PALS2: variants seen among roughly 807,000 people sequenced by gnomAD.
The protein encoded by PALS2 is protein PALS2.
In PALS2, 27 loss-of-function variants were observed where a neutral mutation model predicts 61.6. That is an observed-to-expected ratio of 0.44 (90% confidence interval 0.32 to 0.60). The LOEUF (loss-of-function observed/expected upper bound fraction) is 0.60, where lower values mean the gene tolerates loss of function less well. Ranked by LOEUF, PALS2 falls within the 20% of genes least tolerant of loss-of-function variation. The pLI, the probability that PALS2 is intolerant of heterozygous loss-of-function variation, is 0.05. For synonymous variants in PALS2, 236 were observed against 218.6 expected (o/e 1.08, Z -0.70); for missense variants, 554 against 639.4 (o/e 0.87, Z 1.44).
chr7:24,672,315 C>T (rs778412168), intron 9 of PALS2, among the ~76,000 whole-genome samples: 7 of 151,802 alleles, frequency 4.6e-5, no homozygotes, highest in Non-Finnish European at 1.5e-5. Context: ...GCAGCCTCCA[C>T]CTCCTGGATT....
intron 1 of PALS2, among the ~76,000 whole-genome samples, chr7:24,619,790 G>A (rs1439600886): frequency 6.6e-6 from 1 of 151,154 alleles, no homozygotes; most frequent in East Asian, 1.9e-4. Context: ...TGATTAAAAT[G>A]TTTATCTCCT....
intron 1 of PALS2, among the ~76,000 whole-genome samples, chr7:24,598,344 C>T (rs1783595968): frequency 6.6e-6 from 1 of 152,080 alleles, no homozygotes; most frequent in Non-Finnish European, 1.5e-5. Context: ...CCAGTATTTT[C>T]AAAACGTACC....
At position 24,692,921 on chromosome 7, in the gene PALS2, G is replaced by A. The variant is rs996456222; in HGVS notation, c.*5307G>A. The A allele has an allele frequency of 6.6e-6, 1 of 152,088 alleles. No homozygotes were observed. Among genetic ancestry groups the A allele is most frequent in the African/African-American group, 2.4e-5 (1 of 41,416 alleles). 9.4% of individuals were successfully genotyped at this position (152,088 alleles called of 1,614,324 possible). On this transcript the variant is annotated 3_prime_UTR_variant, in exon 12 of 12. Transcript: ENST00000222644. ...TATAGAAAGAAACATTCACAGTGAG[G>A]TCTTAGTTTGTGAACCTCAAAATCC...
intron 2 of PALS2, among the ~76,000 whole-genome samples, chr7:24,635,907 A>C (rs1177556433): frequency 6.6e-6 from 1 of 152,104 alleles, no homozygotes. Context: ...TTTTTAGGAT[A>C]GATCTGAAAA....
chr7:24,598,130 G>C (rs1186936016), intron 1 of PALS2, among the ~76,000 whole-genome samples: 1 of 152,132 alleles, frequency 6.6e-6, no homozygotes, highest in Admixed American at 6.6e-5. Flanking sequence ...TCTTTTCACT[G>C]AGTCCAAATG....
At chr7:24,600,894 C>A (rs1455035600) in intron 1 of PALS2, among the ~76,000 whole-genome samples, 4 of 152,082 alleles carry the variant, frequency 2.6e-5, no homozygotes, top group African/African-American at 9.7e-5. Flanking sequence ...TTTCAGCATG[C>A]AAACTAGTAA....
Position 24,599,526 on chromosome 7 carries a change from A to G in PALS2, c.-2-24140A>G, listed in dbSNP as rs951707929. Among the ~76,000 whole-genome samples, 4 of 30,814 alleles carry G rather than the reference A, an allele frequency of 1.3e-4. No homozygotes were observed. In the East Asian group the frequency reaches 3.6e-3, roughly 28 times the overall value. 20.2% of individuals were successfully genotyped at this position (30,814 alleles called of 152,430 possible). ...TAAGCTTTTTTTTTTTTTTTTTTTTATGGAGTCTTGCCCTGTCACCCAGGC... is the reference window on the plus strand; with the variant it reads ...TAAGCTTTTTTTTTTTTTTTTTTTTGTGGAGTCTTGCCCTGTCACCCAGGC... On this transcript the variant is annotated intron_variant, in intron 1 of 11. Coordinates refer to ENST00000222644, the MANE Select transcript of PALS2 (RefSeq NM_001303037.2).
intron 9 of PALS2, among the ~76,000 whole-genome samples, chr7:24,678,397 T>C (rs1287091757): frequency 6.6e-6 from 1 of 152,160 alleles, no homozygotes; most frequent in Non-Finnish European, 1.5e-5. Context: ...ATAATAATAA[T>C]GAGGCGTCTA....
At chr7:24,678,007 A>C (rs1488979836) in intron 9 of PALS2, among the ~76,000 whole-genome samples, 1 of 152,176 alleles carries the variant, frequency 6.6e-6, no homozygotes, top group African/African-American at 2.4e-5. Flanking sequence ...TTACTTTCTT[A>C]GTTTAGTTTG....
chr7:24,633,738 T>C (rs1197341363), intron 2 of PALS2, among the ~76,000 whole-genome samples: 1 of 152,140 alleles, frequency 6.6e-6, no homozygotes, highest in Non-Finnish European at 1.5e-5. Flanking sequence ...TATGTAGACG[T>C]AGTTTTTTAT....
chr7:24,576,349 G>C (rs527282622), intron 1 of PALS2, among the ~76,000 whole-genome samples: 10 of 152,082 alleles, frequency 6.6e-5, no homozygotes, highest in Admixed American at 2.0e-4. Context: ...CTGACCACTG[G>C]GGGGAGACTT....
At chr7:24,685,762 A>G (rs1788167137) in intron 11 of PALS2, among the ~76,000 whole-genome samples, 1 of 151,788 alleles carries the variant, frequency 6.6e-6, no homozygotes, top group Non-Finnish European at 1.5e-5. Context: ...GCTGTTTCAA[A>G]CTCATTTAGA....
intron 2 of PALS2, among the ~76,000 whole-genome samples, chr7:24,638,296 T>C (rs1785338072): frequency 6.7e-6 from 1 of 149,570 alleles, no homozygotes; most frequent in South Asian, 2.1e-4. Flanking sequence ...AAAAACCTTT[T>C]TTTCTCCCTT....
chr7:24,613,445 G>C (rs1784183285), intron 1 of PALS2, among the ~76,000 whole-genome samples: 1 of 151,478 alleles, frequency 6.6e-6, no homozygotes, highest in African/African-American at 2.4e-5. Context: ...TGTTATTTGT[G>C]TCTTGCCTTT....
chr7:24,641,912 A>G, intron 3 of PALS2, 44 bp downstream of exon 3: 3 of 1,572,914 alleles, frequency 1.9e-6, no homozygotes, highest in Non-Finnish European at 2.6e-6. Context: ...CTGTATTCCC[A>G]AAGTATTCTC....
At chr7:24,679,454 C>A in intron 10 of PALS2, 121 bp downstream of exon 10, 1 of 890,886 alleles carries the variant, frequency 1.1e-6, no homozygotes, top group East Asian at 2.5e-5. Flanking sequence ...TGACTCCCTC[C>A]ATTACCTTTG....
chr7:24,586,467 G>A (rs1488105496), intron 1 of PALS2, among the ~76,000 whole-genome samples: 1 of 152,186 alleles, frequency 6.6e-6, no homozygotes, highest in African/African-American at 2.4e-5. Context: ...AGGAAAAAAA[G>A]TAGTCCTTAG....
chr7:24,627,665 TA>T (rs1452905606), intron 2 of PALS2, among the ~76,000 whole-genome samples: 2 of 151,916 alleles, frequency 1.3e-5, no homozygotes, highest in African/African-American at 4.8e-5. Flanking sequence ...ATAGATACAA[TA>T]AAAAATGGTA....
At chr7:24,610,342 A>G (rs1784070143) in intron 1 of PALS2, among the ~76,000 whole-genome samples, 1 of 152,136 alleles carries the variant, frequency 6.6e-6, no homozygotes, top group South Asian at 2.1e-4. Flanking sequence ...TGATGATCTT[A>G]TCACCAGTTT....
Sources: allele counts gnomAD v4.1 joint callset (sites outside exome capture counted in the v4.1 genomes callset), GRCh38; gene constraint gnomAD v4.1.1; transcripts MANE v1.5; gene names NCBI Gene and HGNC (gene_info 2026-07-23, HGNC 2026-07-21).